The following EPHA7 variants were observed in gnomAD, a reference collection of about 807,000 sequenced individuals.
EPHA7 encodes the protein EPH receptor A7.
EPHA7 carries 25 observed loss-of-function variants against 112.6 expected under a neutral mutation model. The observed-to-expected ratio is 0.22, with a 90% CI of 0.16 to 0.31. The LOEUF (loss-of-function observed/expected upper bound fraction) is 0.31. Among genes scored for constraint, EPHA7 ranks in the 10% least tolerant of loss-of-function variants. The pLI, the probability that EPHA7 is intolerant of heterozygous loss-of-function variation, is 1.00. For synonymous variants in EPHA7, 437 were observed against 406.5 expected, an observed-to-expected ratio of 1.07 and a Z score of -0.90; for missense variants, 962 against 1,212.6, an observed-to-expected ratio of 0.79 and a Z score of 3.07.
chr6:93,259,218 C>T, intron 10 of EPHA7, 136 bp downstream of exon 10: 2 of 990,336 alleles, frequency 2.0e-6, no homozygotes, highest in Non-Finnish European at 2.9e-6. Context: ...ACAAGTACAG[C>T]CTCACTGCTT....
At chr6:93,274,306 T>C (rs2127885672) in intron 5 of EPHA7, among the ~76,000 whole-genome samples, 1 of 152,006 alleles carries the variant, frequency 6.6e-6, no homozygotes, top group Middle Eastern at 3.4e-3. Flanking sequence ...ATTCTTCAGG[T>C]TATGGAAAAG....
intron 5 of EPHA7, among the ~76,000 whole-genome samples, chr6:93,316,891 T>C (rs1000331074): frequency 6.6e-6 from 1 of 152,116 alleles, no homozygotes; most frequent in Non-Finnish European, 1.5e-5. Context: ...ATTGAAAACA[T>C]TTAGAAGCCA....
intron 5 of EPHA7, among the ~76,000 whole-genome samples, chr6:93,355,121 A>G (rs1470678263): frequency 2.0e-5 from 3 of 152,184 alleles, no homozygotes; most frequent in Non-Finnish European, 4.4e-5. Flanking sequence ...TAAATAGGAT[A>G]AATATGTCTA....
chr6:93,273,346 C>A (rs1771321999), intron 5 of EPHA7, among the ~76,000 whole-genome samples: 1 of 151,910 alleles, frequency 6.6e-6, no homozygotes, highest in Non-Finnish European at 1.5e-5. Context: ...TGCTCTATCT[C>A]ATTCTGTAAA....
intron 5 of EPHA7, among the ~76,000 whole-genome samples, chr6:93,314,080 T>C (rs1773670634): frequency 6.6e-6 from 1 of 152,148 alleles, no homozygotes; most frequent in Non-Finnish European, 1.5e-5. Context: ...TTTTTTTTTC[T>C]GTTTCATTAA....
chr6:93,326,871 G>A (rs1167686041), intron 5 of EPHA7, among the ~76,000 whole-genome samples: 1 of 151,550 alleles, frequency 6.6e-6, no homozygotes, highest in Non-Finnish European at 1.5e-5. Flanking sequence ...AACTTTCTAA[G>A]ATATAAAGCT....
intron 5 of EPHA7, among the ~76,000 whole-genome samples, chr6:93,276,961 A>G (rs1771500636): frequency 6.6e-6 from 1 of 152,098 alleles, no homozygotes; most frequent in Non-Finnish European, 1.5e-5. Flanking sequence ...GTCAACAAGC[A>G]TAAAATGATC....
intron 5 of EPHA7, among the ~76,000 whole-genome samples, chr6:93,299,446 C>A (rs1055641228): frequency 2.0e-5 from 3 of 151,218 alleles, no homozygotes; most frequent in Admixed American, 1.3e-4. Context: ...CATCTCATAC[C>A]AGTCAGTTTA....
rs1417304147 is a variant in EPHA7, at chr6:93,405,811, GTGTATATATATATATA to G, written c.832+4674_832+4689del. On this transcript the variant is annotated intron_variant, in intron 3 of 16. Coordinates refer to ENST00000369303, the MANE Select transcript of EPHA7 (RefSeq NM_004440.4). ...TGTGTGTGTGTGTGTGTGTGTGTGT[GTGTATATATATATATA>G]TATATATATATATATATATATATAA... Among the ~76,000 whole-genome samples the G allele has an allele frequency of 3.0e-3, 175 of 58,948 alleles. 1 individual carries two copies. The highest frequency in any genetic ancestry group is 0.014 in the African/African-American group (152 of 10,940). The allele number at this position is 58,948 out of a possible 152,430, so 38.7% of individuals were successfully genotyped here. A position where few individuals can be genotyped will look rare whatever the true frequency, so the allele number is the denominator to read the frequency against.
chr6:93,335,550 G>A (rs1001030763), intron 5 of EPHA7, among the ~76,000 whole-genome samples: 9 of 152,068 alleles, frequency 5.9e-5, no homozygotes, highest in African/African-American at 2.2e-4. Flanking sequence ...GTTTTAGAAG[G>A]GAGACCACCA....
At chr6:93,270,001 T>G (rs1582420602) in intron 6 of EPHA7, among the ~76,000 whole-genome samples, 2 of 151,816 alleles carry the variant, frequency 1.3e-5, no homozygotes, top group South Asian at 2.1e-4. Flanking sequence ...TACAGTTTAG[T>G]AGAGGTCATC....
chr6:93,308,603 A>G (rs1218657288), intron 5 of EPHA7, among the ~76,000 whole-genome samples: 2 of 152,138 alleles, frequency 1.3e-5, no homozygotes, highest in African/African-American at 4.8e-5. Context: ...TATATTTGAA[A>G]TTTATTTGTT....
At chr6:93,266,201 T>G (rs971215112) in intron 7 of EPHA7, among the ~76,000 whole-genome samples, 1 of 151,762 alleles carries the variant, frequency 6.6e-6, no homozygotes, top group African/African-American at 2.4e-5. Context: ...TTTTTGTTTT[T>G]AGTCTGTTTT....
At chr6:93,356,169 T>C (rs189823580) in intron 5 of EPHA7, among the ~76,000 whole-genome samples, 1 of 152,208 alleles carries the variant, frequency 6.6e-6, no homozygotes, top group East Asian at 1.9e-4. Flanking sequence ...GTGGAGTTAT[T>C]TGTTTTATAG....
chr6:93,248,451 A>T (rs1373851096), intron 14 of EPHA7, among the ~76,000 whole-genome samples: 1 of 152,084 alleles, frequency 6.6e-6, no homozygotes, highest in Non-Finnish European at 1.5e-5. Context: ...TAAGTATAAA[A>T]TTTAAGACCA....
chr6:93,351,641 A>T (rs976143404), intron 5 of EPHA7, among the ~76,000 whole-genome samples: 1 of 152,024 alleles, frequency 6.6e-6, no homozygotes, highest in African/African-American at 2.4e-5. Context: ...TTATTTAGTT[A>T]TAAATATATG....
intron 7 of EPHA7, among the ~76,000 whole-genome samples, chr6:93,267,080 T>C (rs1454565643): frequency 1.3e-5 from 2 of 151,824 alleles, no homozygotes; most frequent in Non-Finnish European, 2.9e-5. Context: ...ATGACTCTGA[T>C]GGCTAATAAA....
chr6:93,346,176 T>C (rs531526746), intron 5 of EPHA7, among the ~76,000 whole-genome samples: 17 of 151,816 alleles, frequency 1.1e-4, no homozygotes, highest in Non-Finnish European at 2.2e-4. Flanking sequence ...CCCATGTTTT[T>C]ACTACTGTCG....
chr6:93,404,583 A>G lies in EPHA7; in HGVS notation c.832+5918T>C, dbSNP rs931677485. On this transcript the variant is annotated intron_variant, in intron 3 of 16. Coordinates refer to ENST00000369303, the MANE Select transcript of EPHA7 (RefSeq NM_004440.4). ...ATATATATACAAACTTATATAAGAT[A>G]TATAACCATATATATGTATACATGT... Among the ~76,000 whole-genome samples, 9 of 150,400 alleles carry G rather than the reference A, an allele frequency of 6.0e-5. No individual in the cohort carries two copies. The Admixed American group carries it at 6.0e-4, about 10-fold the overall frequency.
Sources: gnomAD v4.1 joint callset for allele counts (sites outside exome capture counted in the v4.1 genomes callset) on GRCh38, gnomAD v4.1.1 for gene constraint, MANE v1.5 for transcripts, NCBI Gene and HGNC (gene_info 2026-07-23, HGNC 2026-07-21) for gene names.